The following KIF3C variants were observed in gnomAD, a reference collection of about 807,000 sequenced individuals.
The protein encoded by KIF3C is kinesin family member 3C, also known as kinesin-like protein KIF3C.
In KIF3C, 12 loss-of-function variants were observed where a neutral mutation model predicts 67.7. The ratio of observed to expected loss-of-function variants is 0.18; its 90% CI spans 0.11 to 0.29. The LOEUF (loss-of-function observed/expected upper bound fraction) is 0.29. Among genes scored for constraint, KIF3C ranks in the 10% least tolerant of loss-of-function variants. The probability of loss-of-function intolerance (pLI) is 1.00; values close to 1 mark genes in which losing one functional copy is unlikely to be tolerated. For missense variants in KIF3C, 789 were observed against 1,059.6 expected, an observed-to-expected ratio of 0.74 and a Z score of 3.55; for synonymous variants, 393 against 426.2, an observed-to-expected ratio of 0.92 and a Z score of 0.96.
At chr2:25,930,195 T>A in intron 5 of KIF3C, 132 bp from the exon 6 acceptor site, 1 of 687,684 alleles carries the variant, frequency 1.5e-6, no homozygotes, top group Non-Finnish European at 2.5e-6. Context: ...TTCTTCTCCT[T>A]GCTCTAATAC....
At chr2:25,977,781 G>C (rs368672771) in intron 1 of KIF3C, among the ~76,000 whole-genome samples, 10 of 152,158 alleles carry the variant, frequency 6.6e-5, no homozygotes, top group African/African-American at 2.4e-4. Context: ...GATTCCTCAA[G>C]AGCCCTCAAA....
Position 25,981,514 on chromosome 2 carries a change from T to C in KIF3C, c.404A>G (p.Gln135Arg), listed in dbSNP as rs1331596769. Reference protein sequence around the residue: ...EHIFTHISRSQNQQYLVRASY... With the variant: ...EHIFTHISRSRNQQYLVRASY... ...GGCCCGGACCAGGTACTGTTGGTTCTGGGAGCGGGAGATGTGGGTGAAGAT... is the reference window on the plus strand; with the variant it reads ...GGCCCGGACCAGGTACTGTTGGTTCCGGGAGCGGGAGATGTGGGTGAAGAT... The change falls in exon 1 of 8, where the codon CAG becomes CGG. Residue 135 changes from glutamine (Q) to arginine (R), a missense_variant. Physicochemically the swap from Gln to Arg is conservative, Grantham distance 43 (BLOSUM62 1). Transcript: ENST00000264712. This position sits in a 1 kb window ranked among gnomAD's most constrained non-coding sequence, Gnocchi z 8.2. 2.5e-6 allele frequency: 4 copies of C among 1,614,204 alleles called. No individual in the cohort carries two copies. In the Admixed American group the frequency reaches 6.7e-5, roughly 27 times the overall value.
chr2:25,928,985 T>A lies in KIF3C; in HGVS notation c.2375A>T (p.His792Leu). The change falls in exon 8 of 8, where the codon CAT (histidine) becomes CTT (leucine). Residue 792 changes from histidine to leucine, a missense_variant. By Grantham distance (99) the His-to-Leu change is moderately conservative (BLOSUM62 -3). Transcript: ENST00000264712. ...ASLRPATVADHE is the reference protein window; with the variant it reads ...ASLRPATVADLE ...AGCCTGACGTGATGGTTGTCACTCA[T>A]GGTCCGCCACTGTTGCAGGGCGCAG... is the stretch of plus-strand genomic sequence containing the variant. 1 of 1,613,124 alleles carries A rather than the reference T, an allele frequency of 6.2e-7. No individual in the cohort carries two copies. Among genetic ancestry groups the A allele is most frequent in the Non-Finnish European group, 8.5e-7 (1 of 1,179,804 alleles).
rs538599175 is a variant in KIF3C at position 25,927,113 on chromosome 2, G to A, written c.*1865C>T. ...CGACCATACCTCGGGCCCAGCCCTC[G>A]GACTGGGGGGGCTGATTTGGGTATA... On this transcript the variant is annotated 3_prime_UTR_variant, in exon 8 of 8. Transcript: ENST00000264712. 3.3e-5 allele frequency: 5 copies of A among 152,750 alleles called. No individual in the cohort carries two copies. The highest frequency in any genetic ancestry group is 9.6e-5 in the African/African-American group (4 of 41,556). The allele number at this position is 152,750 out of a possible 1,614,324, so 9.5% of individuals were successfully genotyped here. A position where few individuals can be genotyped will look rare whatever the true frequency, so the allele number is the denominator to read the frequency against.
At position 25,981,876 on chromosome 2, in the gene KIF3C, C is replaced by A; in HGVS notation, c.42G>T (p.Val14=). The A allele has an allele frequency of 6.3e-7, 1 of 1,589,088 alleles. No individual in the cohort carries two copies. Among genetic ancestry groups the A allele is most frequent in the South Asian group, 1.1e-5 (1 of 88,216 alleles). ...TCCTGCTGAGGGGGCGGCACCGGGCCACCACCTTGAGGGCCTCGCTGGCCT... is the reference window on the plus strand; with the variant it reads ...TCCTGCTGAGGGGGCGGCACCGGGCAACCACCTTGAGGGCCTCGCTGGCCT... ...KTKASEALKV[V]ARCRPLSRKE... The change falls in exon 1 of 8, where the codon GTG becomes GTT. Residue 14 remains valine, a synonymous_variant. Transcript: ENST00000264712. This position sits in a 1 kb window ranked among gnomAD's most constrained non-coding sequence, Gnocchi z 8.2.
In KIF3C at chr2:25,958,857, C is replaced by G. The variant is rs1005594704; in HGVS notation, c.1546-2413G>C. 1.3e-5 allele frequency among the ~76,000 whole-genome samples: 2 copies of G among 152,172 alleles called. No homozygotes were observed. The highest frequency in any genetic ancestry group is 4.8e-5 in the African/African-American group (2 of 41,444). On this transcript the variant is annotated intron_variant, in intron 1 of 7. Transcript: ENST00000264712. This position sits in a 1 kb window ranked among gnomAD's most constrained non-coding sequence, Gnocchi z 4.5. Reference sequence around the variant, plus strand: ...TGGGAGGCCAAGGCAGGCGGATCACCTGAGGTTGGGAGTTCGAGACCAGTC... The same window carrying G: ...TGGGAGGCCAAGGCAGGCGGATCACGTGAGGTTGGGAGTTCGAGACCAGTC...
Position 25,981,147 on chromosome 2 carries a change from G to C in KIF3C, c.771C>G (p.Gly257=), listed in dbSNP as rs745436111. The C allele has an allele frequency of 2.5e-6, 4 of 1,614,120 alleles. No homozygotes were observed. In the South Asian group the frequency reaches 4.4e-5, roughly 18 times the overall value. ...TGGCTGCCCCTCCCGCTGTGTTGGGGCCTGCCTTGTTCTGCCTCTCGCTGC... is the reference window on the plus strand; with the variant it reads ...TGGCTGCCCCTCCCGCTGTGTTGGGCCCTGCCTTGTTCTGCCTCTCGCTGC... ...LAGSERQNKA[G]PNTAGGAATP... is the part of the protein sequence containing the mutation. Residue 257 remains glycine, a synonymous_variant, in exon 1 of 8, where the codon GGC becomes GGG. Transcript: ENST00000264712. The surrounding 1 kb of genome is among the most constrained non-coding windows in gnomAD (Gnocchi z 8.2).
chr2:25,956,634 C>T (rs1056461575), intron 1 of KIF3C, among the ~76,000 whole-genome samples, 190 bp from the exon 2 acceptor site: 7 of 152,156 alleles, frequency 4.6e-5, no homozygotes, highest in Non-Finnish European at 8.8e-5. Flanking sequence ...GCACAAGGCT[C>T]TTATTGTCAG....
At chr2:25,960,030 C>T (rs754482657) in intron 1 of KIF3C, among the ~76,000 whole-genome samples, 4 of 152,132 alleles carry the variant, frequency 2.6e-5, no homozygotes, top group Non-Finnish European at 2.9e-5. Context: ...TTATGTGGCT[C>T]TAGCATTCTT....
chr2:25,946,867 A>C (rs1305790353), intron 5 of KIF3C, among the ~76,000 whole-genome samples: 1 of 151,736 alleles, frequency 6.6e-6, no homozygotes, highest in Non-Finnish European at 1.5e-5. Flanking sequence ...AAAAAAAGAA[A>C]GAAGGCTGGG....
At chr2:25,968,703 C>G (rs987720082) in intron 1 of KIF3C, among the ~76,000 whole-genome samples, 1 of 152,168 alleles carries the variant, frequency 6.6e-6, no homozygotes, top group Non-Finnish European at 1.5e-5. Flanking sequence ...CCTCTAGGCT[C>G]CCAGTCAAGG....
rs1664588438 is a variant in KIF3C at position 25,981,287 on chromosome 2, C to T, written c.631G>A (p.Glu211Lys). The T allele has an allele frequency of 6.2e-7, 1 of 1,613,884 alleles. No homozygotes were observed. The highest frequency in any genetic ancestry group is 8.5e-7 in the Non-Finnish European group (1 of 1,180,002). The change falls in exon 1 of 8, where the codon GAG becomes AAG. Residue 211 changes from glutamate (E) to lysine (K), a missense_variant. Physicochemically the swap from Glu to Lys is moderately conservative, Grantham distance 56. This residue lies in a region of KIF3C where 648 missense variants were observed against 807.8 expected (regional missense o/e 0.80). Transcript: ENST00000264712. This position sits in a 1 kb window ranked among gnomAD's most constrained non-coding sequence, Gnocchi z 8.2. ...ATGGCATGGGAGCGGGAGCTGACCT[C>T]ATTCATGTGGGTGCTGCCCACAGCC... Reference protein sequence around the residue: ...TRAVGSTHMNEVSSRSHAIFI... With the variant: ...TRAVGSTHMNKVSSRSHAIFI...
At chr2:25,953,694 G>C (rs1166045552) in intron 4 of KIF3C, among the ~76,000 whole-genome samples, 3 of 102,050 alleles carry the variant, frequency 2.9e-5, no homozygotes, top group African/African-American at 1.1e-4. Flanking sequence ...TTTTTGAGAC[G>C]TTGTCTCGCT....
At chr2:25,957,603 C>T (rs1291744839) in intron 1 of KIF3C, among the ~76,000 whole-genome samples, 2 of 152,122 alleles carry the variant, frequency 1.3e-5, no homozygotes, top group African/African-American at 2.4e-5. Flanking sequence ...GGAATTTTTC[C>T]CAGTGGAAAC....
rs1191782575 is a variant in KIF3C, at chr2:25,932,658, C to T, written c.2007-2595G>A. ...GACCAGCCTGGCCAACATGGTGAAA[C>T]CCTGTCTTTACTAAAAATACAAAAA... On this transcript the variant is annotated intron_variant, in intron 5 of 7. Coordinates refer to ENST00000264712, the MANE Select transcript of KIF3C (RefSeq NM_002254.8). Among the ~76,000 whole-genome samples, 3 of 150,038 alleles carry T rather than the reference C, an allele frequency of 2.0e-5. No homozygotes were observed. In the Admixed American group the frequency reaches 2.0e-4, roughly 10 times the overall value.
intron 5 of KIF3C, among the ~76,000 whole-genome samples, chr2:25,933,723 G>T (rs2090481347): frequency 6.6e-6 from 1 of 150,448 alleles, no homozygotes; most frequent in African/African-American, 2.4e-5. Flanking sequence ...AGATCCACTA[G>T]GATGACTATA....
At chr2:25,962,850 A>AATATAAT (rs1417641743) in intron 1 of KIF3C, among the ~76,000 whole-genome samples, 1 of 55,622 alleles carries the variant, frequency 1.8e-5, no homozygotes, top group Non-Finnish European at 3.1e-5. Flanking sequence ...TATAATATAT[A>AATATAAT]ATATAATATA....
intron 1 of KIF3C, among the ~76,000 whole-genome samples, chr2:25,956,938 C>A (rs573235488): frequency 1.1e-4 from 17 of 152,238 alleles, no homozygotes; most frequent in African/African-American, 3.9e-4. Flanking sequence ...GAAGAAAAGC[C>A]AAAGGGAGCA....
At position 25,955,421 on chromosome 2, in the gene KIF3C, T is replaced by G; in HGVS notation, c.1770+120A>C. The G allele has an allele frequency of 8.3e-7, 1 of 1,203,744 alleles. No homozygotes were observed. Among genetic ancestry groups the G allele is most frequent in the Non-Finnish European group, 1.2e-6 (1 of 862,528 alleles). The allele number at this position is 1,203,744 out of a possible 1,614,324, so 74.6% of individuals were successfully genotyped here. ...GTTGCTCACCCCCGAGGCCAAGCCA[T>G]GTCACTCAGGGGTTCAGCAGTTCCA... is the stretch of plus-strand genomic sequence containing the variant. On this transcript the variant is annotated intron_variant, in intron 3 of 7. Transcript: ENST00000264712. The surrounding 1 kb of genome is among the most constrained non-coding windows in gnomAD (Gnocchi z 5.0).
Sources: allele counts gnomAD v4.1 joint callset (sites outside exome capture counted in the v4.1 genomes callset), GRCh38; gene constraint gnomAD v4.1.1; regional missense constraint gnomAD v4.1.1; non-coding constraint Gnocchi (gnomAD v3.1); transcripts MANE v1.5; gene names NCBI Gene and HGNC (gene_info 2026-07-23, HGNC 2026-07-21).